Variants in VPS13B observed in about 807,000 individuals in gnomAD.
VPS13B encodes the protein vacuolar protein sorting 13 homolog B.
Under a neutral mutation model 426.4 loss-of-function variants are expected in VPS13B, and 285 were observed. The observed-to-expected ratio is 0.67, with a 90% confidence interval of 0.61 to 0.74. VPS13B has a LOEUF of 0.74. Ranked by LOEUF, VPS13B falls within the 30% of genes least tolerant of loss-of-function variation. The probability of loss-of-function intolerance (pLI) is 0.00; values close to 1 mark genes in which losing one functional copy is unlikely to be tolerated. For synonymous variants in VPS13B, 1,676 were observed against 1,676.4 expected, an observed-to-expected ratio of 1.00 and a Z score of 0.01; for missense variants, 4,537 against 4,782.6, an observed-to-expected ratio of 0.95 and a Z score of 1.51.
intron 35 of VPS13B, among the ~76,000 whole-genome samples, chr8:99,672,947 A>G (rs1400687136): frequency 6.6e-6 from 1 of 152,102 alleles, no homozygotes; most frequent in Non-Finnish European, 1.5e-5. Flanking sequence ...TATCACATTT[A>G]TTGATCTGCA....
chr8:99,263,816 T>C (rs968316305), intron 17 of VPS13B, among the ~76,000 whole-genome samples: 1 of 152,200 alleles, frequency 6.6e-6, no homozygotes, highest in Non-Finnish European at 1.5e-5. Flanking sequence ...AGGTTTAGCA[T>C]ATGAACATCT....
At chr8:99,833,417 T>C (rs894194086) in intron 52 of VPS13B, among the ~76,000 whole-genome samples, 1 of 152,234 alleles carries the variant, frequency 6.6e-6, no homozygotes, top group Non-Finnish European at 1.5e-5. Flanking sequence ...TTGTAGACTT[T>C]ATTTGAGATT....
intron 39 of VPS13B, among the ~76,000 whole-genome samples, chr8:99,751,895 A>C (rs1413350775): frequency 2.0e-5 from 3 of 152,210 alleles, no homozygotes; most frequent in Non-Finnish European, 4.4e-5. Context: ...GAAGAGGACC[A>C]GCTGATGTCT....
intron 33 of VPS13B, among the ~76,000 whole-genome samples, chr8:99,618,150 G>T (rs1225562749): frequency 1.3e-5 from 2 of 152,110 alleles, no homozygotes; most frequent in African/African-American, 4.8e-5. Context: ...CTTTTCCTCT[G>T]TGTGATATTG....
intron 54 of VPS13B, among the ~76,000 whole-genome samples, chr8:99,846,597 G>A (rs1312989793): frequency 2.0e-5 from 3 of 152,162 alleles, no homozygotes; most frequent in Non-Finnish European, 4.4e-5. Flanking sequence ...AAAAGACAAG[G>A]ATAGACTAAA....
intron 3 of VPS13B, among the ~76,000 whole-genome samples, chr8:99,054,327 C>T (rs1843721118): frequency 6.6e-6 from 1 of 152,208 alleles, no homozygotes; most frequent in South Asian, 2.1e-4. Flanking sequence ...CACATCTTCA[C>T]CGACACTTAT....
At chr8:99,500,065 T>C (rs1245058778) in intron 25 of VPS13B, among the ~76,000 whole-genome samples, 1 of 152,282 alleles carries the variant, frequency 6.6e-6, no homozygotes, top group East Asian at 1.9e-4. Context: ...TTGGTTTGTT[T>C]TGTACAGGAT....
intron 37 of VPS13B, among the ~76,000 whole-genome samples, chr8:99,717,840 T>C (rs1190054459): frequency 6.6e-6 from 1 of 152,236 alleles, no homozygotes; most frequent in Admixed American, 6.5e-5. Context: ...CATCCATGTT[T>C]ACCAAGTGTC....
chr8:99,429,398 T>C (rs1310982310), intron 21 of VPS13B, among the ~76,000 whole-genome samples: 2 of 151,100 alleles, frequency 1.3e-5, no homozygotes, highest in African/African-American at 2.4e-5. Context: ...AAAAATAAGT[T>C]ACTAGCCAAA....
intron 54 of VPS13B, among the ~76,000 whole-genome samples, chr8:99,842,294 T>C (rs1815733981): frequency 6.6e-6 from 1 of 152,130 alleles, no homozygotes; most frequent in Non-Finnish European, 1.5e-5. Context: ...AGTGTGATAC[T>C]ATCTGCAACT....
At chr8:99,469,505 C>T (rs917381976) in intron 24 of VPS13B, among the ~76,000 whole-genome samples, 9 of 152,020 alleles carry the variant, frequency 5.9e-5, no homozygotes, top group Non-Finnish European at 1.2e-4. Flanking sequence ...GTAGTGAATA[C>T]TTTTGAATGA....
At chr8:99,529,320 G>C (rs1314466756) in intron 30 of VPS13B, among the ~76,000 whole-genome samples, 1 of 151,994 alleles carries the variant, frequency 6.6e-6, no homozygotes, top group East Asian at 1.9e-4. Context: ...TCTTTAACTT[G>C]CTTGTATTTA....
At chr8:99,378,653 G>A (rs1300583160) in intron 19 of VPS13B, among the ~76,000 whole-genome samples, 3 of 152,276 alleles carry the variant, frequency 2.0e-5, no homozygotes, top group East Asian at 1.9e-4. Flanking sequence ...GTTTCAGCAG[G>A]TCCTTCCATT....
intron 4 of VPS13B, among the ~76,000 whole-genome samples, chr8:99,098,463 A>G (rs1846544419): frequency 1.3e-5 from 2 of 152,130 alleles, no homozygotes; most frequent in Admixed American, 6.5e-5. Flanking sequence ...TGTTATTTCA[A>G]TCAGTGGCAT....
At chr8:99,191,376 C>CTCT (rs1563593390) in intron 16 of VPS13B, among the ~76,000 whole-genome samples, 1 of 70,920 alleles carries the variant, frequency 1.4e-5, no homozygotes, top group Non-Finnish European at 2.6e-5. Context: ...CTCTCTCTCT[C>CTCT]TTTTTTTTTT....
At position 99,325,084 on chromosome 8, in the gene VPS13B, A is replaced by G. The variant is rs560811545; in HGVS notation, c.2824+49830A>G. Among the ~76,000 whole-genome samples, 27 of 152,218 alleles carry G rather than the reference A, an allele frequency of 1.8e-4. 1 individual carries two copies. The Middle Eastern group carries it at 0.024, about 134-fold the overall frequency. ...TAATCTATGCTTTACTGCTTATACA[A>G]TTAGTTAAAAGGTCTTAAAATTCTT... On this transcript the variant is annotated intron_variant, in intron 19 of 61. Transcript: ENST00000357162.
chr8:99,522,145 T>C (rs1236194507), intron 30 of VPS13B, among the ~76,000 whole-genome samples: 2 of 152,204 alleles, frequency 1.3e-5, no homozygotes, highest in African/African-American at 4.8e-5. Context: ...GCCAAGATTA[T>C]AATTCATATC....
chr8:99,610,970 AAAT>A (rs967397132), intron 33 of VPS13B, among the ~76,000 whole-genome samples: 2 of 152,208 alleles, frequency 1.3e-5, no homozygotes, highest in African/African-American at 4.8e-5. Flanking sequence ...AATAATCTTC[AAAT>A]AATCTTTTAG....
intron 33 of VPS13B, among the ~76,000 whole-genome samples, chr8:99,608,751 A>G (rs954953105): frequency 6.6e-6 from 1 of 152,244 alleles, no homozygotes; most frequent in South Asian, 2.1e-4. Context: ...GTCATATAAT[A>G]TGTGGTCCTT....
Sources: gnomAD v4.1 joint callset for allele counts (sites outside exome capture counted in the v4.1 genomes callset) on GRCh38, gnomAD v4.1.1 for gene constraint, MANE v1.5 for transcripts, NCBI Gene and HGNC (gene_info 2026-07-23, HGNC 2026-07-21) for gene names.